Variants in GABRB2 observed in about 807,000 individuals in gnomAD.
The protein encoded by GABRB2 is gamma-aminobutyric acid receptor subunit beta-2.
Under a neutral mutation model 54.7 loss-of-function variants are expected in GABRB2, and 16 were observed. The observed-to-expected ratio is 0.29, with a 90% CI of 0.20 to 0.44. The LOEUF (loss-of-function observed/expected upper bound fraction) is 0.44, where lower values mean the gene tolerates loss of function less well. GABRB2 is among the 20% of genes least tolerant of loss of function. GABRB2 has a pLI of 1.00. For missense variants in GABRB2, 355 were observed against 644.0 expected, an observed-to-expected ratio of 0.55 and a Z score of 4.86; for synonymous variants, 244 against 233.8, an observed-to-expected ratio of 1.04 and a Z score of -0.40.
At chr5:161,426,272 G>T (rs1023134796) in intron 4 of GABRB2, among the ~76,000 whole-genome samples, 1 of 152,070 alleles carries the variant, frequency 6.6e-6, no homozygotes, top group Non-Finnish European at 1.5e-5. Context: ...AGTGGAAGCA[G>T]AACCCTAAGA....
chr5:161,380,525 A>G (rs1254452235), intron 5 of GABRB2, among the ~76,000 whole-genome samples: 1 of 152,154 alleles, frequency 6.6e-6, no homozygotes, highest in Non-Finnish European at 1.5e-5. Context: ...AGGCATTGAG[A>G]GTTGAGCTGC....
At chr5:161,405,465 A>G (rs2113096140) in intron 5 of GABRB2, among the ~76,000 whole-genome samples, 1 of 152,204 alleles carries the variant, frequency 6.6e-6, no homozygotes, top group East Asian at 1.9e-4. Context: ...ATATTGTACA[A>G]ATGAGAAACT....
chr5:161,541,935 C>A (rs1398673081), intron 3 of GABRB2, among the ~76,000 whole-genome samples: 1 of 152,166 alleles, frequency 6.6e-6, no homozygotes, highest in Non-Finnish European at 1.5e-5. Context: ...ACACACTTTC[C>A]TCACTGATCT....
At chr5:161,540,747 C>T (rs1429081434) in intron 3 of GABRB2, among the ~76,000 whole-genome samples, 1 of 152,096 alleles carries the variant, frequency 6.6e-6, no homozygotes, top group African/African-American at 2.4e-5. Context: ...TCTCTTTGTA[C>T]CTCTCCATCA....
At chr5:161,368,897 T>TA (rs1755049189) in intron 5 of GABRB2, among the ~76,000 whole-genome samples, 1 of 152,220 alleles carries the variant, frequency 6.6e-6, no homozygotes, top group Admixed American at 6.5e-5. Context: ...ACTCAATCTT[T>TA]ACTTAAGGTA....
chr5:161,375,490 C>T (rs182803462), intron 5 of GABRB2, among the ~76,000 whole-genome samples: 43 of 152,184 alleles, frequency 2.8e-4, no homozygotes, highest in African/African-American at 1.0e-3. Context: ...GATGTTGCTC[C>T]CCAGAGCCTT....
chr5:161,363,617 G>A (rs372573494), intron 5 of GABRB2, among the ~76,000 whole-genome samples: 4 of 152,224 alleles, frequency 2.6e-5, no homozygotes, highest in South Asian at 2.1e-4. Flanking sequence ...CAGGAGGATC[G>A]CTTGAGCCCA....
At chr5:161,427,914 C>T (rs905130424) in intron 4 of GABRB2, among the ~76,000 whole-genome samples, 6 of 152,088 alleles carry the variant, frequency 3.9e-5, no homozygotes, top group Non-Finnish European at 7.4e-5. Context: ...GCTAATGAGT[C>T]ATTATTTCTA....
chr5:161,340,122 C>T (rs78584351), intron 5 of GABRB2, among the ~76,000 whole-genome samples: 7,786 of 151,904 alleles, frequency 0.051, 253 homozygotes, highest in Admixed American at 0.097. Context: ...TTATCCATTG[C>T]GATAAATATT....
intron 5 of GABRB2, among the ~76,000 whole-genome samples, chr5:161,385,516 T>C (rs188669593): frequency 6.6e-6 from 1 of 152,282 alleles, no homozygotes; most frequent in African/African-American, 2.4e-5. Context: ...CAAAAGACTC[T>C]GGGTAGAGAA....
At chr5:161,391,839 C>T (rs530393404) in intron 5 of GABRB2, among the ~76,000 whole-genome samples, 2 of 152,204 alleles carry the variant, frequency 1.3e-5, no homozygotes, top group Non-Finnish European at 2.9e-5. Context: ...ACCACCAAAC[C>T]AGGAGACTCA....
chr5:161,404,350 C>CT (rs1477504040), intron 5 of GABRB2, among the ~76,000 whole-genome samples: 5 of 151,712 alleles, frequency 3.3e-5, no homozygotes, highest in East Asian at 1.9e-4. Flanking sequence ...GTGTGCTTTG[C>CT]TTTTTTTTCA....
chr5:161,509,821 C>T (rs1258854389), intron 3 of GABRB2, among the ~76,000 whole-genome samples: 2 of 151,966 alleles, frequency 1.3e-5, no homozygotes, highest in Non-Finnish European at 2.9e-5. Context: ...CCACTATCAT[C>T]TCTGCTTTGC....
Position 161,440,675 on chromosome 5 carries a change from A to C in GABRB2, c.458+18949T>G, listed in dbSNP as rs144556435. ...AAGTTATTCTAAGTTATTCTAAGCAAAAAGAACAAAACCAGAGGAATCACA... is the reference window on the plus strand; with the variant it reads ...AAGTTATTCTAAGTTATTCTAAGCACAAAGAACAAAACCAGAGGAATCACA... On this transcript the variant is annotated intron_variant, in intron 4 of 9. Transcript: ENST00000393959. Among the ~76,000 whole-genome samples the C allele has an allele frequency of 2.0e-5, 3 of 152,274 alleles. No homozygotes were observed. The East Asian group carries it at 5.8e-4, about 29-fold the overall frequency.
At chr5:161,468,046 T>G (rs1043610706) in intron 3 of GABRB2, among the ~76,000 whole-genome samples, 1 of 152,086 alleles carries the variant, frequency 6.6e-6, no homozygotes, top group Admixed American at 6.6e-5. Flanking sequence ...TTTCCAAATA[T>G]TGTCACAAGT....
Position 161,459,881 on chromosome 5 carries a change from A to G in GABRB2, c.238-37T>C, listed in dbSNP as rs569737832. The stretch of plus-strand genomic sequence containing the variant: ...AGAAAAAAAAACATGGTTAGTTTAC[A>G]CCCAGACAGATCTGGGGGATAAGCA... On this transcript the variant is annotated intron_variant, in intron 3 of 9. Transcript: ENST00000393959. 208 of 1,248,186 alleles carry G rather than the reference A, an allele frequency of 1.7e-4. 1 individual carries two copies. The highest frequency in any genetic ancestry group is 2.3e-4 in the Non-Finnish European group (200 of 851,520). 77.3% of individuals were successfully genotyped at this position (1,248,186 alleles called of 1,614,324 possible).
At chr5:161,470,072 T>C (rs1581012592) in intron 3 of GABRB2, among the ~76,000 whole-genome samples, 1 of 103,474 alleles carries the variant, frequency 9.7e-6, no homozygotes, top group Admixed American at 9.2e-5. Context: ...TCCTTTCATG[T>C]TTTTTTTTTA....
Position 161,334,834 on chromosome 5 carries a change from G to A in GABRB2, c.750C>T (p.Tyr250=), listed in dbSNP as rs1753945718. The change falls in exon 7 of 10, where the codon TAC becomes TAT. Residue 250 remains tyrosine, a synonymous_variant. Coordinates refer to ENST00000393959, the MANE Select transcript of GABRB2 (RefSeq NM_001371727.1). ...GGATGGTAATCAGGATGGAAGGCAT[G>A]TATGTTTGCAGGATAAAGTAGCCAA... The part of the protein sequence containing the change: ...RNIGYFILQT[Y]MPSILITILS... 6.2e-7 allele frequency: 1 copy of A among 1,613,966 alleles called. No homozygotes were observed. Among genetic ancestry groups the A allele is most frequent in the African/African-American group, 1.3e-5 (1 of 75,044 alleles).
chr5:161,454,286 C>A (rs1757883409), intron 4 of GABRB2, among the ~76,000 whole-genome samples: 1 of 152,188 alleles, frequency 6.6e-6, no homozygotes, highest in African/African-American at 2.4e-5. Flanking sequence ...TGCCAGGCAT[C>A]TAATTTCCTC....
Sources: allele counts gnomAD v4.1 joint callset (sites outside exome capture counted in the v4.1 genomes callset), GRCh38; gene constraint gnomAD v4.1.1; transcripts MANE v1.5; gene names NCBI Gene and HGNC (gene_info 2026-07-23, HGNC 2026-07-21).